The following SLC24A2 variants were observed in gnomAD, a reference collection of about 807,000 sequenced individuals.
SLC24A2 encodes sodium/potassium/calcium exchanger 2.
Under a neutral mutation model 62.0 loss-of-function variants are expected in SLC24A2, and 36 were observed. The observed-to-expected ratio is 0.58, with a 90% CI of 0.44 to 0.77. The LOEUF (loss-of-function observed/expected upper bound fraction) is 0.77. Ranked by LOEUF, SLC24A2 falls within the 30% of genes least tolerant of loss-of-function variation. The pLI is 0.00. For synonymous variants in SLC24A2, 358 were observed against 294.0 expected, an observed-to-expected ratio of 1.22 and a Z score of -2.23; for missense variants, 846 against 817.9, an observed-to-expected ratio of 1.03 and a Z score of -0.42.
rs1435950309 is a variant in SLC24A2, at chr9:19,523,486, G to A, written c.1570-2426C>T. 4.0e-5 allele frequency among the ~76,000 whole-genome samples: 6 copies of A among 151,858 alleles called. No individual in the cohort carries two copies. The East Asian group carries it at 9.7e-4, about 24-fold the overall frequency. ...TAACTTAATATGTTTTTTTTGAGACGGAGTCTCGTTCTGTTGCCCAGGCTG... is the reference window on the plus strand; with the variant it reads ...TAACTTAATATGTTTTTTTTGAGACAGAGTCTCGTTCTGTTGCCCAGGCTG... On this transcript the variant is annotated intron_variant, in intron 9 of 10. Coordinates refer to ENST00000341998, the MANE Select transcript of SLC24A2 (RefSeq NM_020344.4).
intron 2 of SLC24A2, 40 bp from the exon 3 acceptor site, chr9:19,622,339 T>A: frequency 6.3e-7 from 1 of 1,584,420 alleles, no homozygotes; most frequent in Non-Finnish European, 8.7e-7. Flanking sequence ...GACAAAGAAA[T>A]AAATAAATGA....
chr9:19,825,620 T>A, the SLC24A2 span, among the ~76,000 whole-genome samples: 12,875 of 152,180 alleles, frequency 0.085, 630 homozygotes, highest in African/African-American at 0.14. Context: ...CAATGGGGAC[T>A]CATTCATTCT....
chr9:19,955,108 T>C, the SLC24A2 span, among the ~76,000 whole-genome samples: 20 of 152,146 alleles, frequency 1.3e-4, no homozygotes, highest in Non-Finnish European at 2.5e-4. Context: ...TTATGCTCTT[T>C]CTGAAATTAG....
At chr9:20,139,387 C>A in the SLC24A2 span, among the ~76,000 whole-genome samples, 4 of 152,258 alleles carry the variant, frequency 2.6e-5, no homozygotes, top group Admixed American at 2.6e-4. Context: ...CCTAAAAAGA[C>A]TATTGTGAGC....
the SLC24A2 span, among the ~76,000 whole-genome samples, chr9:19,806,454 G>C: frequency 6.6e-6 from 1 of 152,144 alleles, no homozygotes; most frequent in Admixed American, 6.6e-5. Context: ...GTTTAGGGAA[G>C]CTTAAGAAAA....
the SLC24A2 span, among the ~76,000 whole-genome samples, chr9:19,925,315 A>G: frequency 2.0e-5 from 3 of 152,194 alleles, no homozygotes; most frequent in Admixed American, 1.3e-4. Flanking sequence ...TGTTCATCTC[A>G]TATATATAGG....
chr9:19,532,533 T>C (rs1441148939), intron 8 of SLC24A2, among the ~76,000 whole-genome samples: 1 of 152,242 alleles, frequency 6.6e-6, no homozygotes, highest in Admixed American at 6.5e-5. Flanking sequence ...ATATTTTCAA[T>C]CTGTGATTGT....
At chr9:19,853,103 T>C in the SLC24A2 span, among the ~76,000 whole-genome samples, 10 of 151,878 alleles carry the variant, frequency 6.6e-5, no homozygotes, top group Non-Finnish European at 1.0e-4. Context: ...TCATTAATAA[T>C]TTGGCCCTCT....
chr9:20,235,987 A>G, the SLC24A2 span, among the ~76,000 whole-genome samples: 14,041 of 152,220 alleles, frequency 0.092, 701 homozygotes, highest in Middle Eastern at 0.13. Context: ...GCAACCTAAC[A>G]TACCATAGTA....
the SLC24A2 span, among the ~76,000 whole-genome samples, chr9:20,250,269 A>T: frequency 6.6e-6 from 1 of 152,238 alleles, no homozygotes; most frequent in Admixed American, 6.5e-5. Flanking sequence ...ATTAGAACTC[A>T]GATGGCCTGG....
chr9:20,034,641 T>C, the SLC24A2 span, among the ~76,000 whole-genome samples: 1 of 152,020 alleles, frequency 6.6e-6, no homozygotes, highest in Non-Finnish European at 1.5e-5. Context: ...TAATTTTTTT[T>C]GTATTTTTAG....
At chr9:20,169,963 A>G in the SLC24A2 span, among the ~76,000 whole-genome samples, 6 of 152,006 alleles carry the variant, frequency 3.9e-5, no homozygotes, top group African/African-American at 1.4e-4. Context: ...TAAATATTCA[A>G]TGAAATAGAC....
At chr9:19,613,660 A>G (rs531389818) in intron 4 of SLC24A2, among the ~76,000 whole-genome samples, 46 of 152,272 alleles carry the variant, frequency 3.0e-4, no homozygotes, top group African/African-American at 1.0e-3. Context: ...AGTAATAATA[A>G]TATCAATAAC....
At chr9:19,883,819 C>G in the SLC24A2 span, among the ~76,000 whole-genome samples, 1 of 152,218 alleles carries the variant, frequency 6.6e-6, no homozygotes, top group Non-Finnish European at 1.5e-5. Context: ...CCCACCTTGG[C>G]CTCCCAACTC....
chr9:20,111,588 C>G, the SLC24A2 span, among the ~76,000 whole-genome samples: 2 of 152,160 alleles, frequency 1.3e-5, no homozygotes, highest in East Asian at 3.9e-4. Context: ...GCAGCAGCAT[C>G]TATATCAGCT....
intron 8 of SLC24A2, among the ~76,000 whole-genome samples, chr9:19,534,945 C>T (rs753386099): frequency 5.3e-5 from 8 of 152,332 alleles, no homozygotes; most frequent in East Asian, 1.9e-4. Flanking sequence ...CTGTCTTCCA[C>T]AATGGTTGAA....
chr9:19,804,017 C>T, the SLC24A2 span, among the ~76,000 whole-genome samples: 1 of 152,066 alleles, frequency 6.6e-6, no homozygotes, highest in African/African-American at 2.4e-5. Context: ...ATAAACTAAT[C>T]TGGTACATCT....
intron 2 of SLC24A2, among the ~76,000 whole-genome samples, chr9:19,775,069 C>T (rs770285504): frequency 6.6e-6 from 1 of 152,214 alleles, no homozygotes; most frequent in African/African-American, 2.4e-5. Context: ...GGACTTCTTT[C>T]CAGGCTTAGT....
chr9:20,280,935 G>C, the SLC24A2 span, among the ~76,000 whole-genome samples: 1 of 152,156 alleles, frequency 6.6e-6, no homozygotes, highest in Non-Finnish European at 1.5e-5. Context: ...TTTTTCCCTA[G>C]AGCATCTGGA....
Sources: allele counts gnomAD v4.1 joint callset (sites outside exome capture counted in the v4.1 genomes callset), GRCh38; gene constraint gnomAD v4.1.1; transcripts MANE v1.5; gene names NCBI Gene and HGNC (gene_info 2026-07-23, HGNC 2026-07-21).